TEX2: variants seen among roughly 807,000 people sequenced by gnomAD.
TEX2 encodes testis-expressed protein 2.
TEX2 carries 53 observed loss-of-function variants against 106.9 expected under a neutral mutation model. The observed-to-expected ratio is 0.50, with a 90% CI of 0.40 to 0.62. The LOEUF (loss-of-function observed/expected upper bound fraction) is 0.62. Among genes scored for constraint, TEX2 ranks in the 20% least tolerant of loss-of-function variants. The probability of loss-of-function intolerance (pLI) is 0.00; values close to 1 mark genes in which losing one functional copy is unlikely to be tolerated. For missense variants in TEX2, 1,207 were observed against 1,379.0 expected (o/e 0.88, Z 1.98); for synonymous variants, 523 against 534.8 (o/e 0.98, Z 0.30).
intron 5 of TEX2, among the ~76,000 whole-genome samples, chr17:64,179,462 A>G (rs1014302516): frequency 1.3e-5 from 2 of 152,158 alleles, no homozygotes; most frequent in Non-Finnish European, 2.9e-5. Flanking sequence ...ACAGTGTGGA[A>G]GCTTTGTACT....
intron 7 of TEX2, among the ~76,000 whole-genome samples, chr17:64,169,626 A>G (rs2031302536): frequency 6.6e-6 from 1 of 152,212 alleles, no homozygotes. Flanking sequence ...ATTGCTGGAG[A>G]GATATGCTAG....
In TEX2 at chr17:64,168,211, C is replaced by A. The variant is rs560454051; in HGVS notation, c.2671+2889G>T. ...ATTTCACTAAAAGGAAAGATTCCCC[C>A]GTAGAGCACTGGAATCCAAAATGCT... On this transcript the variant is annotated intron_variant, in intron 7 of 11. Coordinates refer to ENST00000584379, the MANE Select transcript of TEX2 (RefSeq NM_001288732.2). Among the ~76,000 whole-genome samples, 42 of 152,246 alleles carry A rather than the reference C, an allele frequency of 2.8e-4. 1 individual carries two copies. Among genetic ancestry groups the A allele is most frequent in the African/African-American group, 1.0e-3 (42 of 41,540 alleles).
chr17:64,166,706 T>C (rs1309153041), intron 7 of TEX2, among the ~76,000 whole-genome samples: 1 of 152,250 alleles, frequency 6.6e-6, no homozygotes, highest in Non-Finnish European at 1.5e-5. Flanking sequence ...GGTGGGATGA[T>C]GGGTAATATT....
At chr17:64,239,115 G>A (rs2033830684) in intron 1 of TEX2, 1 of 152,110 alleles carries the variant, frequency 6.6e-6, no homozygotes, top group African/African-American at 2.4e-5. Context: ...TACTAATAAG[G>A]GCTGAAACAG....
chr17:64,238,192 C>G (rs571909753), intron 1 of TEX2, among the ~76,000 whole-genome samples: 1 of 152,196 alleles, frequency 6.6e-6, no homozygotes. Context: ...CCCAGCTACT[C>G]AGGAAGCTGA....
rs559568753 is a variant in TEX2 at position 64,232,082 on chromosome 17, G to T, written c.-25-17840C>A. Among the ~76,000 whole-genome samples, 8 of 152,254 alleles carry T rather than the reference G, an allele frequency of 5.3e-5. No individual in the cohort carries two copies. The South Asian group carries it at 1.7e-3, about 32-fold the overall frequency. On this transcript the variant is annotated intron_variant, in intron 1 of 11. Transcript: ENST00000584379. ...CTGTGACCATTAAGAATGACACAAT[G>T]ACAATGTAAAAATATGTACTGTACA...
chr17:64,228,195 C>G (rs2033558681), intron 1 of TEX2, among the ~76,000 whole-genome samples: 2 of 152,086 alleles, frequency 1.3e-5, no homozygotes, highest in Non-Finnish European at 2.9e-5. Flanking sequence ...TTGAAAAAAA[C>G]TTCAAAAACA....
Position 64,213,152 on chromosome 17 carries a change from C to T in TEX2, c.1066G>A (p.Asp356Asn), listed in dbSNP as rs782377470. 2.5e-6 allele frequency: 4 copies of T among 1,614,160 alleles called. No individual in the cohort carries two copies. In the Admixed American group the frequency reaches 5.0e-5, roughly 20 times the overall value. The change falls in exon 2 of 12, where the codon GAT (aspartate) becomes AAT (asparagine). Residue 356 changes from aspartate to asparagine, a missense_variant. Around this residue, in one of 3 missense-constraint regions of TEX2, gnomAD observed 1,067 missense variants for 1,193.6 expected, o/e 0.89. Coordinates refer to ENST00000584379, the MANE Select transcript of TEX2 (RefSeq NM_001288732.2). The surrounding 1 kb of genome is among the most constrained non-coding windows in gnomAD (Gnocchi z 4.4). ...ATGTTGGAATCACTTCCGTAGCCAT[C>T]CCCCTCAGAATCACACTCCTCCTCC... Reference protein sequence around the residue: ...IKEEECDSEGDGYGSDSNIPR... With the variant: ...IKEEECDSEGNGYGSDSNIPR...
intron 4 of TEX2, among the ~76,000 whole-genome samples, chr17:64,189,764 T>G (rs1484901906): frequency 6.6e-6 from 1 of 152,040 alleles, no homozygotes; most frequent in Non-Finnish European, 1.5e-5. Flanking sequence ...GATGAATCAC[T>G]TCAGGTCAGG....
At chr17:64,252,952 A>G (rs1360531783) in intron 1 of TEX2, among the ~76,000 whole-genome samples, 5 of 152,024 alleles carry the variant, frequency 3.3e-5, no homozygotes, top group Non-Finnish European at 7.4e-5. Flanking sequence ...CTCCCTTCCA[A>G]CTGGGAAGAG....
At chr17:64,155,008 C>A in intron 8 of TEX2, 41 bp from the exon 9 acceptor site, 1 of 1,511,892 alleles carries the variant, frequency 6.6e-7, no homozygotes, top group Non-Finnish European at 8.8e-7. Flanking sequence ...TGCCCTCACC[C>A]AAGCTCTGCT....
intron 5 of TEX2, among the ~76,000 whole-genome samples, chr17:64,179,562 C>G (rs1455780931): frequency 6.6e-6 from 1 of 152,156 alleles, no homozygotes; most frequent in African/African-American, 2.4e-5. Flanking sequence ...AGGTCCGAGA[C>G]TTCATTCTTG....
intron 2 of TEX2, among the ~76,000 whole-genome samples, chr17:64,212,037 C>T (rs1184597246): frequency 5.3e-5 from 8 of 152,080 alleles, no homozygotes; most frequent in African/African-American, 1.9e-4. Context: ...ATGAATTGTC[C>T]CAGGGACCCC....
intron 1 of TEX2, among the ~76,000 whole-genome samples, chr17:64,226,913 G>A (rs2033520421): frequency 6.6e-6 from 1 of 151,726 alleles, no homozygotes; most frequent in Non-Finnish European, 1.5e-5. Flanking sequence ...AAAACTCAAG[G>A]AGACAACACA....
In TEX2 at chr17:64,213,817, A is replaced by ACAG; in HGVS notation, c.398_400dup (p.Ala133dup). On this transcript the variant is annotated inframe_insertion, in exon 2 of 12. Coordinates refer to ENST00000584379, the MANE Select transcript of TEX2 (RefSeq NM_001288732.2). The surrounding 1 kb of genome is among the most constrained non-coding windows in gnomAD (Gnocchi z 4.4). ...CCCCGACGAAGACGACCCTGGGGAC[A>ACAG]CAGCCAATGGCACTGTACTTAATAC... The ACAG allele has an allele frequency of 6.2e-7, 1 of 1,614,258 alleles. No homozygotes were observed. The highest frequency in any genetic ancestry group is 8.5e-7 in the Non-Finnish European group (1 of 1,180,048).
chr17:64,213,142 C>A lies in TEX2; in HGVS notation c.1076G>T (p.Gly359Val). 1 of 1,614,182 alleles carries A rather than the reference C, an allele frequency of 6.2e-7. No individual in the cohort carries two copies. Among genetic ancestry groups the A allele is most frequent in the Non-Finnish European group, 8.5e-7 (1 of 1,180,036 alleles). Residue 359 changes from glycine (G) to valine (V), a missense_variant, in exon 2 of 12, where the codon GGA (glycine) becomes GTA (valine). By Grantham distance (109) the Gly-to-Val change is moderately radical. Around this residue, in one of 3 missense-constraint regions of TEX2, gnomAD observed 1,067 missense variants for 1,193.6 expected, o/e 0.89. Coordinates refer to ENST00000584379, the MANE Select transcript of TEX2 (RefSeq NM_001288732.2). The surrounding 1 kb of genome is among the most constrained non-coding windows in gnomAD (Gnocchi z 4.4). ...EECDSEGDGY[G>V]SDSNIPRSDH... ...ACTTCTGGGGATGTTGGAATCACTT[C>A]CGTAGCCATCCCCCTCAGAATCACA... is the stretch of plus-strand genomic sequence containing the variant.
Position 64,151,510 on chromosome 17 carries a change from G to A in TEX2, c.3141-549C>T, listed in dbSNP as rs1250744434. ...AACAATACGCTTTGTATGACTTCCC[G>A]AGGGAGCAGACTGGCAATCAGAACT... On this transcript the variant is annotated intron_variant, in intron 10 of 11. Transcript: ENST00000584379. Among the ~76,000 whole-genome samples the A allele has an allele frequency of 3.9e-5, 6 of 152,132 alleles. No homozygotes were observed. The South Asian group carries it at 1.0e-3, about 26-fold the overall frequency.
intron 7 of TEX2, among the ~76,000 whole-genome samples, chr17:64,167,289 TTTTG>T (rs2031180492): frequency 6.6e-6 from 1 of 152,136 alleles, no homozygotes; most frequent in South Asian, 2.1e-4. Context: ...TTTTGTTTTG[TTTTG>T]TTTTTGTTTA....
At position 64,217,537 on chromosome 17, in the gene TEX2, T is replaced by C. The variant is rs903999411; in HGVS notation, c.-25-3295A>G. 6.6e-6 allele frequency among the ~76,000 whole-genome samples: 1 copy of C among 152,166 alleles called. No homozygotes were observed. Among genetic ancestry groups the C allele is most frequent in the East Asian group, 1.9e-4 (1 of 5,202 alleles). On this transcript the variant is annotated intron_variant, in intron 1 of 11. Transcript: ENST00000584379. This position sits in a 1 kb window ranked among gnomAD's most constrained non-coding sequence, Gnocchi z 4.3. Reference sequence around the variant, plus strand: ...CCCTCTGTGCTCCGTCATGGACAGCTCACTTACAAGCTAAGACCTCAGTTC... The same window carrying C: ...CCCTCTGTGCTCCGTCATGGACAGCCCACTTACAAGCTAAGACCTCAGTTC...
Sources: gnomAD v4.1 joint callset for allele counts (sites outside exome capture counted in the v4.1 genomes callset) on GRCh38, gnomAD v4.1.1 for gene constraint, gnomAD v4.1.1 regional missense constraint, Gnocchi (gnomAD v3.1) non-coding constraint, MANE v1.5 for transcripts, NCBI Gene and HGNC (gene_info 2026-07-23, HGNC 2026-07-21) for gene names.